ADARB2: variants seen among roughly 807,000 people sequenced by gnomAD.
ADARB2 encodes the protein inactive double-stranded RNA-specific editase B2.
ADARB2 carries 25 observed loss-of-function variants against 62.2 expected under a neutral mutation model. That is an observed-to-expected ratio of 0.40 (90% CI 0.29 to 0.56). ADARB2 has a LOEUF of 0.56. Ranked by LOEUF, ADARB2 falls within the 20% of genes least tolerant of loss-of-function variation. ADARB2 has a pLI of 0.43. For synonymous variants in ADARB2, 572 were observed against 500.8 expected (o/e 1.14, Z -1.90); for missense variants, 1,071 against 1,077.4 (o/e 0.99, Z 0.08).
intron 1 of ADARB2, among the ~76,000 whole-genome samples, chr10:1,395,426 G>A (rs1040804817): frequency 1.3e-5 from 2 of 152,290 alleles, no homozygotes; most frequent in East Asian, 3.9e-4. Flanking sequence ...ACAGTTCCTT[G>A]ATAAGAGAAT....
chr10:1,600,769 A>G (rs544697943), intron 1 of ADARB2, among the ~76,000 whole-genome samples: 1 of 151,508 alleles, frequency 6.6e-6, no homozygotes, highest in East Asian at 1.9e-4. Flanking sequence ...CCACTCTCCC[A>G]TTCTTCCTAT....
chr10:1,631,451 C>A (rs187865468), intron 1 of ADARB2, among the ~76,000 whole-genome samples: 3 of 152,198 alleles, frequency 2.0e-5, no homozygotes, highest in Non-Finnish European at 4.4e-5. Context: ...CATGCCAGGG[C>A]GTATCACCTT....
chr10:1,257,081 T>C (rs1046198305), intron 4 of ADARB2, among the ~76,000 whole-genome samples: 2 of 152,228 alleles, frequency 1.3e-5, no homozygotes, highest in African/African-American at 4.8e-5. Flanking sequence ...AAGATCATAT[T>C]TGAATCAGCT....
chr10:1,616,827 C>CCG (rs1564348221), intron 1 of ADARB2, among the ~76,000 whole-genome samples: 5 of 143,604 alleles, frequency 3.5e-5, no homozygotes, highest in South Asian at 2.3e-4. Context: ...GTTTGTGTGC[C>CCG]TCTCCAGACA....
intron 1 of ADARB2, among the ~76,000 whole-genome samples, chr10:1,613,921 G>A (rs552728571): frequency 7.4e-4 from 113 of 152,326 alleles, no homozygotes; most frequent in African/African-American, 2.4e-3. Flanking sequence ...AGAGTACAAA[G>A]CTATTAAAAA....
At chr10:1,627,495 G>A (rs967505117) in intron 1 of ADARB2, among the ~76,000 whole-genome samples, 5 of 152,096 alleles carry the variant, frequency 3.3e-5, no homozygotes, top group African/African-American at 1.2e-4. Context: ...TTAAATCTCA[G>A]TCCTTGCACA....
intron 1 of ADARB2, chr10:1,394,821 T>C: frequency 2.2e-6 from 1 of 456,970 alleles, no homozygotes; most frequent in Non-Finnish European, 4.4e-6. Context: ...TTCCCCTCCC[T>C]GCTAAGGAAG....
intron 1 of ADARB2, among the ~76,000 whole-genome samples, chr10:1,637,091 T>C (rs1334332696): frequency 6.6e-6 from 1 of 152,148 alleles, no homozygotes; most frequent in Non-Finnish European, 1.5e-5. Flanking sequence ...GAATTAAAGG[T>C]GTCCGCAACA....
At position 1,614,771 on chromosome 10, in the gene ADARB2, T is replaced by C. The variant is rs566571749; in HGVS notation, c.100+122280A>G. On this transcript the variant is annotated intron_variant, in intron 1 of 9. Coordinates refer to ENST00000381312, the MANE Select transcript of ADARB2 (RefSeq NM_018702.4). ...CTAAAGATACAAAAAATTAGCCGGG[T>C]GTGGTGGCGGGCACCTGTAGTCCCA... Among the ~76,000 whole-genome samples the C allele has an allele frequency of 2.5e-3, 374 of 151,986 alleles. 1 individual carries two copies. The highest frequency in any genetic ancestry group is 8.0e-3 in the African/African-American group (333 of 41,444).
intron 1 of ADARB2, among the ~76,000 whole-genome samples, chr10:1,657,308 C>T (rs1403437943): frequency 6.6e-6 from 1 of 152,178 alleles, no homozygotes; most frequent in African/African-American, 2.4e-5. Context: ...TAATTAATGG[C>T]TTGCTCATTG....
chr10:1,252,454 G>C (rs558247030), intron 4 of ADARB2, among the ~76,000 whole-genome samples: 1 of 152,252 alleles, frequency 6.6e-6, no homozygotes, highest in South Asian at 2.1e-4. Flanking sequence ...CTCAGTGTTA[G>C]GAAACCTTCT....
At chr10:1,503,050 C>A (rs886527101) in intron 1 of ADARB2, among the ~76,000 whole-genome samples, 1 of 152,186 alleles carries the variant, frequency 6.6e-6, no homozygotes, top group Non-Finnish European at 1.5e-5. Context: ...CCTAAACACA[C>A]GTATCATATG....
chr10:1,405,887 G>A (rs2805529), intron 1 of ADARB2, among the ~76,000 whole-genome samples: 141,397 of 150,302 alleles, frequency 0.94, 66,662 homozygotes, highest in East Asian at 1. Flanking sequence ...TCGCCATGAT[G>A]CACCTGTTTA....
chr10:1,481,638 C>G (rs538867748), intron 1 of ADARB2, among the ~76,000 whole-genome samples: 11 of 19,978 alleles, frequency 5.5e-4, no homozygotes, highest in Non-Finnish European at 3.4e-3. Context: ...GTGTGCGGAT[C>G]ACGAGGTCAG....
intron 1 of ADARB2, among the ~76,000 whole-genome samples, chr10:1,690,594 G>C (rs1834656177): frequency 6.6e-6 from 1 of 152,154 alleles, no homozygotes; most frequent in Non-Finnish European, 1.5e-5. Context: ...ACTGGAAGGA[G>C]AGAAAGGCAG....
At chr10:1,611,934 C>G (rs909013429) in intron 1 of ADARB2, among the ~76,000 whole-genome samples, 1 of 152,182 alleles carries the variant, frequency 6.6e-6, no homozygotes, top group Non-Finnish European at 1.5e-5. Flanking sequence ...TTCCCGCCCC[C>G]ACCTGCCCTT....
At position 1,232,759 on chromosome 10, in the gene ADARB2, GGT is replaced by G. The variant is rs201097349; in HGVS notation, c.1513+933_1513+934del. Among the ~76,000 whole-genome samples, 1,443 of 151,208 alleles carry G rather than the reference GGT, an allele frequency of 9.5e-3. 33 individuals carry two copies. The highest frequency in any genetic ancestry group is 0.033 in the African/African-American group (1,352 of 41,166). On this transcript the variant is annotated intron_variant, in intron 6 of 9. Transcript: ENST00000381312. ...GACATGAGTAGTGTATGTGGTATGT[GGT>G]GTGTGTGGTATATATGGTATGTGTG...
intron 1 of ADARB2, among the ~76,000 whole-genome samples, chr10:1,644,030 A>G (rs543584342): frequency 3.5e-4 from 53 of 152,332 alleles, no homozygotes; most frequent in Admixed American, 5.9e-4. Context: ...ACTCGGCCCA[A>G]GGTAAATAAA....
At position 1,327,790 on chromosome 10, in the gene ADARB2, A is replaced by ACAGCACCTCCTCACAGCT. The variant is rs1281073349; in HGVS notation, c.1077+35237_1077+35238insAGCTGTGAGGAGGTGCTG. 3.0e-4 allele frequency among the ~76,000 whole-genome samples: 23 copies of ACAGCACCTCCTCACAGCT among 76,426 alleles called. 4 individuals carry two copies. Among genetic ancestry groups the ACAGCACCTCCTCACAGCT allele is most frequent in the Admixed American group, 6.1e-4 (5 of 8,216 alleles). The allele number at this position is 76,426 out of a possible 152,430, so 50.1% of individuals were successfully genotyped here. A position where few individuals can be genotyped will look rare whatever the true frequency, so the allele number is the denominator to read the frequency against. ...TCACAGCTCAGCGCCTCCCCACAGCACAGCGCCTCCTCACAGTTCAGCATC... is the reference window on the plus strand; with the variant it reads ...TCACAGCTCAGCGCCTCCCCACAGCACAGCACCTCCTCACAGCTCAGCGCCTCCTCACAGTTCAGCATC... On this transcript the variant is annotated intron_variant, in intron 3 of 9. Transcript: ENST00000381312.
Sources: allele counts gnomAD v4.1 joint callset (sites outside exome capture counted in the v4.1 genomes callset), GRCh38; gene constraint gnomAD v4.1.1; transcripts MANE v1.5; gene names NCBI Gene and HGNC (gene_info 2026-07-23, HGNC 2026-07-21).